The following INSYN2B variants were observed in gnomAD, a reference collection of about 807,000 sequenced individuals.
The protein encoded by INSYN2B is inhibitory synaptic factor family member 2B, also known as protein INSYN2B.
In INSYN2B, 16 loss-of-function variants were observed where a neutral mutation model predicts 41.2. That is an observed-to-expected ratio of 0.39 (90% CI 0.26 to 0.59). The LOEUF (loss-of-function observed/expected upper bound fraction) is 0.59. INSYN2B is among the 20% of genes least tolerant of loss of function. The probability of loss-of-function intolerance (pLI) is 0.57; values close to 1 mark genes in which losing one functional copy is unlikely to be tolerated. For missense variants in INSYN2B, 608 were observed against 646.4 expected (o/e 0.94, Z 0.64); for synonymous variants, 245 against 244.4 (o/e 1.00, Z -0.02).
At chr5:169,899,678 T>C (rs1773809828) in intron 1 of INSYN2B, among the ~76,000 whole-genome samples, 1 of 152,150 alleles carries the variant, frequency 6.6e-6, no homozygotes, top group Admixed American at 6.5e-5. Context: ...ATACCACGTT[T>C]TGTTGGGAGA....
chr5:169,926,148 G>C (rs1339499935), intron 1 of INSYN2B, among the ~76,000 whole-genome samples: 1 of 152,152 alleles, frequency 6.6e-6, no homozygotes, highest in African/African-American at 2.4e-5. Context: ...AGGCCAAAGG[G>C]ATCCAGGAGT....
rs1284105867 is a variant in INSYN2B at position 169,870,522 on chromosome 5, A to AG, written c.1422-6064dup. On this transcript the variant is annotated intron_variant, in intron 3 of 3. Coordinates refer to ENST00000377365, the MANE Select transcript of INSYN2B (RefSeq NM_001129891.3). ...TAGAAAGAAATAACAGAAGCCTCTC[A>AG]GTTGTATATAACTTTTGAATTTGCA... is the stretch of plus-strand genomic sequence containing the variant. Among the ~76,000 whole-genome samples, 7 of 152,180 alleles carry AG rather than the reference A, an allele frequency of 4.6e-5. 1 individual carries two copies. The highest frequency in any genetic ancestry group is 4.6e-4 in the Admixed American group (7 of 15,276).
intron 3 of INSYN2B, among the ~76,000 whole-genome samples, chr5:169,867,625 CATCTATCT>C (rs35247242): frequency 1.3e-3 from 198 of 150,918 alleles, no homozygotes; most frequent in African/African-American, 4.2e-3. Flanking sequence ...CATTATCTAT[CATCTATCT>C]ATCTATCTAT....
At chr5:169,896,485 C>T (rs1773615542) in intron 1 of INSYN2B, among the ~76,000 whole-genome samples, 1 of 152,098 alleles carries the variant, frequency 6.6e-6, no homozygotes, top group African/African-American at 2.4e-5. Context: ...TAATATGTGG[C>T]TAATAATATT....
Position 169,883,522 on chromosome 5 carries a change from G to A in INSYN2B, c.377C>T (p.Thr126Ile), listed in dbSNP as rs1772791357. 6.4e-7 allele frequency: 1 copy of A among 1,551,544 alleles called. No homozygotes were observed. Among genetic ancestry groups the A allele is most frequent in the Non-Finnish European group, 8.7e-7 (1 of 1,146,960 alleles). ...GACCTGGATGGCACTTTGGGAGGCT[G>A]TTGGCATTTCCACCAGGGACTTACT... ...TASKSLVEMP[T>I]ASQSAIQVNG... The change falls in exon 2 of 4, where the codon ACA becomes ATA. Residue 126 changes from threonine (T) to isoleucine (I), a missense_variant. Physicochemically the swap from Thr to Ile is moderately conservative, Grantham distance 89. Transcript: ENST00000377365.
At chr5:169,903,045 C>T (rs1774026433) in intron 1 of INSYN2B, among the ~76,000 whole-genome samples, 2 of 151,808 alleles carry the variant, frequency 1.3e-5, no homozygotes, top group Admixed American at 1.3e-4. Flanking sequence ...TTGCAGTGAG[C>T]TGAGATCACG....
At chr5:169,933,539 C>G (rs1775855770) in intron 1 of INSYN2B, among the ~76,000 whole-genome samples, 1 of 152,172 alleles carries the variant, frequency 6.6e-6, no homozygotes, top group South Asian at 2.1e-4. Context: ...CTGCATTCAC[C>G]TGGGGAAGGA....
chr5:169,970,378 A>C (rs530225096), intron 1 of INSYN2B, among the ~76,000 whole-genome samples: 65 of 152,372 alleles, frequency 4.3e-4, no homozygotes, highest in Admixed American at 7.8e-4. Context: ...AGGTTCATTT[A>C]TCCTGGGCAT....
At chr5:169,942,566 A>T (rs1235425171) in intron 1 of INSYN2B, among the ~76,000 whole-genome samples, 1 of 152,220 alleles carries the variant, frequency 6.6e-6, no homozygotes, top group African/African-American at 2.4e-5. Flanking sequence ...TTTCCCTCCC[A>T]AGTTCCCTCC....
chr5:169,939,710 T>C (rs1287680900), intron 1 of INSYN2B, among the ~76,000 whole-genome samples: 2 of 152,206 alleles, frequency 1.3e-5, no homozygotes, highest in Non-Finnish European at 2.9e-5. Flanking sequence ...TCATTATGCA[T>C]GTATATATAT....
chr5:169,900,665 A>G (rs574395882), intron 1 of INSYN2B, among the ~76,000 whole-genome samples: 11 of 152,330 alleles, frequency 7.2e-5, no homozygotes, highest in Admixed American at 7.2e-4. Flanking sequence ...GCAGTATTAC[A>G]TGCTTTGGAT....
At chr5:169,957,368 C>A (rs115066642) in intron 1 of INSYN2B, among the ~76,000 whole-genome samples, 2 of 152,234 alleles carry the variant, frequency 1.3e-5, no homozygotes, top group African/African-American at 4.8e-5. Flanking sequence ...ACAAAATAGA[C>A]AAAGTACTTA....
intron 1 of INSYN2B, among the ~76,000 whole-genome samples, chr5:169,886,376 TC>T: frequency 6.6e-6 from 1 of 152,338 alleles, no homozygotes; most frequent in Middle Eastern, 3.4e-3. Context: ...TAGAATTGGT[TC>T]TATGTTTCAA....
At chr5:169,962,165 C>A (rs1480867851) in intron 1 of INSYN2B, among the ~76,000 whole-genome samples, 1 of 151,880 alleles carries the variant, frequency 6.6e-6, no homozygotes, top group Admixed American at 6.6e-5. Flanking sequence ...TTTAAAAAGT[C>A]TACTCTGGTT....
intron 1 of INSYN2B, among the ~76,000 whole-genome samples, chr5:169,928,888 G>A (rs1775608218): frequency 6.6e-6 from 1 of 152,182 alleles, no homozygotes; most frequent in Non-Finnish European, 1.5e-5. Context: ...TGCCCTGGGT[G>A]TTTCTGTTCC....
chr5:169,865,556 G>A (rs550641648), intron 3 of INSYN2B, among the ~76,000 whole-genome samples: 24 of 152,302 alleles, frequency 1.6e-4, no homozygotes, highest in African/African-American at 5.1e-4. Context: ...TCCTCCATGA[G>A]GAGGATTTAC....
intron 1 of INSYN2B, among the ~76,000 whole-genome samples, chr5:169,929,160 C>G (rs1039815573): frequency 6.6e-6 from 1 of 152,198 alleles, no homozygotes. Flanking sequence ...AGCACTTAGG[C>G]ATAGCAGGGG....
intron 1 of INSYN2B, among the ~76,000 whole-genome samples, chr5:169,978,395 G>C (rs202107504): frequency 1.4e-5 from 2 of 142,320 alleles, no homozygotes; most frequent in Non-Finnish European, 3.1e-5. Flanking sequence ...GTGTGTGTGG[G>C]GGGGGGGGGG....
In INSYN2B at chr5:169,883,247, C is replaced by G; in HGVS notation, c.652G>C (p.Glu218Gln). Residue 218 changes from glutamate (E) to glutamine (Q), a missense_variant, in exon 2 of 4, where the codon GAG (glutamate) becomes CAG (glutamine). Glu to Gln is a conservative substitution (Grantham distance 29, BLOSUM62 2). Coordinates refer to ENST00000377365, the MANE Select transcript of INSYN2B (RefSeq NM_001129891.3). ...IYHSPSWEAR[E>Q]SALSPDRSAE... ...GACCTGTCTGGGCTGAGAGCAGACT[C>G]TCTAGCTTCCCAGGAAGGACTGTGA... 1 of 1,551,626 alleles carries G rather than the reference C, an allele frequency of 6.4e-7. No homozygotes were observed. Among genetic ancestry groups the G allele is most frequent in the Middle Eastern group, 1.7e-4 (1 of 5,986 alleles).
Sources: gnomAD v4.1 joint callset for allele counts (sites outside exome capture counted in the v4.1 genomes callset) on GRCh38, gnomAD v4.1.1 for gene constraint, MANE v1.5 for transcripts, NCBI Gene and HGNC (gene_info 2026-07-23, HGNC 2026-07-21) for gene names.